SCARB2: variants seen among roughly 807,000 people sequenced by gnomAD.
The protein encoded by SCARB2 is lysosome membrane protein 2.
In SCARB2, 29 loss-of-function variants were observed where a neutral mutation model predicts 58.6. That is an observed-to-expected ratio of 0.49 (90% CI 0.37 to 0.67). SCARB2 has a LOEUF of 0.67. Ranked by LOEUF, SCARB2 falls within the 30% of genes least tolerant of loss-of-function variation. SCARB2 has a pLI of 0.00. For synonymous variants in SCARB2, 195 were observed against 210.1 expected, an observed-to-expected ratio of 0.93 and a Z score of 0.62; for missense variants, 488 against 578.5, an observed-to-expected ratio of 0.84 and a Z score of 1.60.
intron 10 of SCARB2, chr4:76,163,653 T>C: frequency 2.0e-6 from 1 of 499,092 alleles, no homozygotes; most frequent in African/African-American, 1.9e-5. Flanking sequence ...AGTATCACCT[T>C]TTGTTTTATG....
rs1158733261 is a variant in SCARB2, at chr4:76,159,275, A to G, written c.*2438T>C. The G allele has an allele frequency of 2.0e-5, 3 of 152,234 alleles. No homozygotes were observed. Among genetic ancestry groups the G allele is most frequent in the African/African-American group, 7.2e-5 (3 of 41,454 alleles). The allele number at this position is 152,234 out of a possible 1,614,324, so 9.4% of individuals were successfully genotyped here. Reference sequence around the variant, plus strand: ...GGGTCTTTCTAAGATAACTGCCGCAAGAAAATGAGCATGAGAAATAATTCA... The same window carrying G: ...GGGTCTTTCTAAGATAACTGCCGCAGGAAAATGAGCATGAGAAATAATTCA... On this transcript the variant is annotated 3_prime_UTR_variant, in exon 12 of 12. Transcript: ENST00000264896.
In SCARB2 at chr4:76,181,786, G is replaced by C. The variant is rs150059305; in HGVS notation, c.276-685C>G. 2.0e-3 allele frequency among the ~76,000 whole-genome samples: 301 copies of C among 152,156 alleles called. 1 individual carries two copies. Among genetic ancestry groups the C allele is most frequent in the African/African-American group, 7.1e-3 (294 of 41,494 alleles). ...TTACTATGCTACCCAGGCTGGTCTTGAACTCCTGGACTCAAGTGATCCTCC... is the reference window on the plus strand; with the variant it reads ...TTACTATGCTACCCAGGCTGGTCTTCAACTCCTGGACTCAAGTGATCCTCC... On this transcript the variant is annotated intron_variant, in intron 2 of 11. Transcript: ENST00000264896.
At position 76,184,800 on chromosome 4, in the gene SCARB2, T is replaced by A. The variant is rs945597191; in HGVS notation, c.276-3699A>T. ...TTGTCTCTACCAAAAAAAAAAAAAA[T>A]TTTAATTTAAAAACAAGAAAACTCA... is the stretch of plus-strand genomic sequence containing the variant. On this transcript the variant is annotated intron_variant, in intron 2 of 11. Transcript: ENST00000264896. 373 of 333,592 alleles carry A rather than the reference T, an allele frequency of 1.1e-3. 1 individual carries two copies. Among genetic ancestry groups the A allele is most frequent in the Middle Eastern group, 1.6e-3 (4 of 2,568 alleles). 20.7% of individuals were successfully genotyped at this position (333,592 alleles called of 1,614,324 possible). A position where few individuals can be genotyped will look rare whatever the true frequency, so the allele number is the denominator to read the frequency against.
chr4:76,173,995 T>A, intron 7 of SCARB2, 149 bp downstream of exon 7: 2 of 930,820 alleles, frequency 2.1e-6, no homozygotes, highest in African/African-American at 1.6e-5. Flanking sequence ...ACTTGAGAAC[T>A]CCTGGGCTCA....
chr4:76,174,894 T>C (rs1732215878), intron 6 of SCARB2: 1 of 161,758 alleles, frequency 6.2e-6, no homozygotes, highest in Non-Finnish European at 1.4e-5. Context: ...TTCTTACTGA[T>C]TTCAAACATA....
intron 7 of SCARB2, chr4:76,173,834 G>C (rs1031821810): frequency 8.6e-6 from 3 of 347,276 alleles, no homozygotes; most frequent in African/African-American, 6.3e-5. Flanking sequence ...AAGCATCACA[G>C]AAAAGCCATG....
At chr4:76,210,593 T>C (rs963984335) in intron 1 of SCARB2, among the ~76,000 whole-genome samples, 1 of 152,156 alleles carries the variant, frequency 6.6e-6, no homozygotes, top group Non-Finnish European at 1.5e-5. Flanking sequence ...CAATATCCCC[T>C]AGGAAGAGGG....
At chr4:76,202,099 T>C (rs371604655) in intron 1 of SCARB2, among the ~76,000 whole-genome samples, 34 of 152,354 alleles carry the variant, frequency 2.2e-4, no homozygotes, top group Middle Eastern at 3.4e-3. Flanking sequence ...CTAGATATTA[T>C]GATAAATTAT....
chr4:76,214,367 G>A (rs183858810), upstream of SCARB2: 61 of 447,862 alleles, frequency 1.4e-4, 1 homozygote, highest in East Asian at 4.3e-3. Context: ...AGGGGCATGT[G>A]CAAGAATGGA....
chr4:76,219,030 CA>C (rs1351452312), intron 1 of SCARB2, among the ~76,000 whole-genome samples: 1 of 152,162 alleles, frequency 6.6e-6, no homozygotes, highest in African/African-American at 2.4e-5. Context: ...CAGTAGGAAG[CA>C]AAGGTATTAC....
Position 76,213,407 on chromosome 4 carries a change from C to T in SCARB2, c.117+20G>A. Reference sequence around the variant, plus strand: ...GAGCTGGACGACTCCACAACACACACACAGCCCGCCCCGCCTCACCTTCTC... The same window carrying T: ...GAGCTGGACGACTCCACAACACACATACAGCCCGCCCCGCCTCACCTTCTC... On this transcript the variant is annotated intron_variant, in intron 1 of 11. Transcript: ENST00000264896. The T allele has an allele frequency of 6.4e-7, 1 of 1,556,134 alleles. No individual in the cohort carries two copies. The highest frequency in any genetic ancestry group is 8.8e-7 in the Non-Finnish European group (1 of 1,133,400).
In SCARB2 at chr4:76,176,056, C is replaced by A; in HGVS notation, c.705-146G>T. 3 of 1,016,436 alleles carry A rather than the reference C, an allele frequency of 3.0e-6. No individual in the cohort carries two copies. In the South Asian group the frequency reaches 4.6e-5, roughly 16 times the overall value. The allele number at this position is 1,016,436 out of a possible 1,614,324, so 63.0% of individuals were successfully genotyped here. ...ACAGACACAACAGTTTTAATTAGAT[C>A]AAGGGGGAGAAAAAGTAGGTCCCTG... On this transcript the variant is annotated intron_variant, in intron 5 of 11. Transcript: ENST00000264896.
intron 1 of SCARB2, among the ~76,000 whole-genome samples, chr4:76,206,439 C>T (rs1431404135): frequency 2.6e-5 from 4 of 151,958 alleles, no homozygotes; most frequent in Non-Finnish European, 5.9e-5. Context: ...AAATCTGGAC[C>T]AATACGTGAA....
intron 7 of SCARB2, among the ~76,000 whole-genome samples, chr4:76,172,257 TTATATA>T (rs1553947809): frequency 6.7e-6 from 1 of 150,176 alleles, no homozygotes; most frequent in Non-Finnish European, 1.5e-5. Context: ...AAACAATTTT[TTATATA>T]TATATAATTT....
chr4:76,201,539 T>C (rs75528268), intron 1 of SCARB2, among the ~76,000 whole-genome samples: 3,612 of 152,278 alleles, frequency 0.024, 127 homozygotes, highest in African/African-American at 0.082. Context: ...CTTGGTAAAA[T>C]CTTCAATGTG....
At chr4:76,207,335 A>G (rs954211014) in intron 1 of SCARB2, among the ~76,000 whole-genome samples, 4 of 152,202 alleles carry the variant, frequency 2.6e-5, no homozygotes, top group Non-Finnish European at 5.9e-5. Context: ...GTATGGAAAC[A>G]TAAGTTCTTT....
At chr4:76,233,503 TA>T (rs1159559098) in intron 1 of SCARB2, among the ~76,000 whole-genome samples, 2 of 152,066 alleles carry the variant, frequency 1.3e-5, no homozygotes, top group African/African-American at 4.8e-5. Flanking sequence ...TATCTTCCCT[TA>T]AAAAAATATT....
intron 2 of SCARB2, chr4:76,192,267 T>C (rs954674345): frequency 6.6e-6 from 1 of 152,222 alleles, no homozygotes; most frequent in African/African-American, 2.4e-5. Context: ...AAAGACTGAT[T>C]AAATGATCGT....
At chr4:76,217,512 C>A, upstream of SCARB2, 1 of 416,704 alleles carries the variant, frequency 2.4e-6, no homozygotes, top group East Asian at 3.5e-5. Flanking sequence ...GCACCTCCTC[C>A]TTCTCTCTCT....
Sources: gnomAD v4.1 joint callset for allele counts (sites outside exome capture counted in the v4.1 genomes callset) on GRCh38, gnomAD v4.1.1 for gene constraint, MANE v1.5 for transcripts, NCBI Gene and HGNC (gene_info 2026-07-23, HGNC 2026-07-21) for gene names.